The following XYLT1 variants were observed in gnomAD, a reference collection of about 807,000 sequenced individuals.
XYLT1 encodes xylosyltransferase 1, also known as beta-D-xylosyltransferase 1.
XYLT1 carries 36 observed loss-of-function variants against 91.3 expected under a neutral mutation model. The observed-to-expected ratio is 0.39, with a 90% CI of 0.30 to 0.52. XYLT1 has a LOEUF of 0.52. Among genes scored for constraint, XYLT1 ranks in the 20% least tolerant of loss-of-function variants. The probability of loss-of-function intolerance (pLI) is 0.68; values close to 1 mark genes in which losing one functional copy is unlikely to be tolerated. For missense variants in XYLT1, 1,242 were observed against 1,284.5 expected (o/e 0.97, Z 0.51); for synonymous variants, 588 against 532.0 (o/e 1.11, Z -1.45).
At chr16:17,291,399 C>T (rs1248316564) in intron 2 of XYLT1, among the ~76,000 whole-genome samples, 1 of 152,180 alleles carries the variant, frequency 6.6e-6, no homozygotes, top group Non-Finnish European at 1.5e-5. Flanking sequence ...TCCCATTACA[C>T]AGATGTCGAA....
intron 3 of XYLT1, among the ~76,000 whole-genome samples, chr16:17,202,857 C>T (rs1283283672): frequency 3.9e-5 from 6 of 152,052 alleles, no homozygotes; most frequent in Non-Finnish European, 7.3e-5. Flanking sequence ...ATCTGACACA[C>T]ATCTGGTTCT....
chr16:17,372,638 G>A (rs932131307), intron 1 of XYLT1, among the ~76,000 whole-genome samples: 3 of 152,138 alleles, frequency 2.0e-5, no homozygotes, highest in Non-Finnish European at 2.9e-5. Context: ...TCAATTATCC[G>A]TTTCCATTCA....
chr16:17,181,074 G>A (rs982302618), intron 5 of XYLT1, among the ~76,000 whole-genome samples: 2 of 152,168 alleles, frequency 1.3e-5, no homozygotes, highest in Admixed American at 1.3e-4. Context: ...AAAAGTAACT[G>A]GAGAAATGCA....
intron 6 of XYLT1, among the ~76,000 whole-genome samples, chr16:17,149,840 G>A (rs888518614): frequency 9.9e-5 from 15 of 152,168 alleles, no homozygotes; most frequent in African/African-American, 3.4e-4. Flanking sequence ...GATCATAATA[G>A]CTAATTCACA....
chr16:17,279,360 A>G (rs950472807), intron 2 of XYLT1, among the ~76,000 whole-genome samples: 4 of 152,212 alleles, frequency 2.6e-5, no homozygotes, highest in African/African-American at 9.7e-5. Flanking sequence ...TACTAGTATG[A>G]TCATTAATAG....
rs574952236 is a variant in XYLT1 at position 17,404,987 on chromosome 16, C to G, written c.364-46937G>C. 1.2e-4 allele frequency among the ~76,000 whole-genome samples: 18 copies of G among 152,304 alleles called. No homozygotes were observed. In the South Asian group the frequency reaches 1.4e-3, roughly 12 times the overall value. ...AACATACACTTGTAATATTGCCACA[C>G]ACAAGCACATAACTTTCTGGAGGGA... On this transcript the variant is annotated intron_variant, in intron 1 of 11. Coordinates refer to ENST00000261381, the MANE Select transcript of XYLT1 (RefSeq NM_022166.4).
At chr16:17,404,230 CAA>C (rs1163385760) in intron 1 of XYLT1, among the ~76,000 whole-genome samples, 3 of 152,150 alleles carry the variant, frequency 2.0e-5, no homozygotes, top group Non-Finnish European at 4.4e-5. Flanking sequence ...CTGATGAAAC[CAA>C]AAGAGTCTCA....
intron 9 of XYLT1, among the ~76,000 whole-genome samples, 170 bp from the exon 10 acceptor site, chr16:17,128,031 TC>T (rs1251557314): frequency 6.6e-6 from 1 of 152,182 alleles, no homozygotes; most frequent in African/African-American, 2.4e-5. Flanking sequence ...AATACTTTTT[TC>T]TTCTGCTGAT....
At position 17,117,923 on chromosome 16, in the gene XYLT1, C is replaced by T. The variant is rs753749607; in HGVS notation, c.2280G>A (p.Leu760=). 1.3e-5 allele frequency: 21 copies of T among 1,614,076 alleles called. No homozygotes were observed. The highest frequency in any genetic ancestry group is 1.7e-5 in the Non-Finnish European group (20 of 1,179,974). The part of the protein sequence containing the change: ...ERLFRNFGGL[L]GPMDEPVGMQ... ...TACCCACCGGCTCATCCATGGGCCC[C>T]AGAAGACCCCCAAAGTTGCGGAATA... The change falls in exon 11 of 12, where the codon CTG becomes CTA. Residue 760 remains leucine, a synonymous_variant. Coordinates refer to ENST00000261381, the MANE Select transcript of XYLT1 (RefSeq NM_022166.4).
At chr16:17,286,917 G>A (rs1415986146) in intron 2 of XYLT1, among the ~76,000 whole-genome samples, 1 of 152,090 alleles carries the variant, frequency 6.6e-6, no homozygotes, top group Non-Finnish European at 1.5e-5. Context: ...CCTGAATTCT[G>A]TTCAGGTGTT....
At chr16:17,143,322 G>A (rs1042814351) in intron 6 of XYLT1, among the ~76,000 whole-genome samples, 2 of 151,854 alleles carry the variant, frequency 1.3e-5, no homozygotes, top group East Asian at 1.9e-4. Context: ...CCATTTTCAC[G>A]TATTACGTGC....
At chr16:17,296,040 CTTT>C (rs5815941) in intron 2 of XYLT1, among the ~76,000 whole-genome samples, 2 of 145,956 alleles carry the variant, frequency 1.4e-5, no homozygotes, top group Admixed American at 6.8e-5. Context: ...GAAAAGACAC[CTTT>C]TTTTTTTTTT....
intron 3 of XYLT1, among the ~76,000 whole-genome samples, chr16:17,248,710 A>C (rs7196324): frequency 6.7e-6 from 1 of 149,688 alleles, no homozygotes; most frequent in Non-Finnish European, 1.5e-5. Context: ...CAACTATGCA[A>C]CTCCCCAGAA....
intron 2 of XYLT1, among the ~76,000 whole-genome samples, chr16:17,279,522 G>C (rs1273030329): frequency 1.3e-5 from 2 of 152,166 alleles, no homozygotes; most frequent in African/African-American, 4.8e-5. Context: ...TCAAGTCCCA[G>C]GCTGGAAGTG....
intron 11 of XYLT1, 53 bp from the exon 12 acceptor site, chr16:17,109,070 C>G: frequency 6.8e-7 from 1 of 1,470,594 alleles, no homozygotes; most frequent in Non-Finnish European, 9.0e-7. Context: ...AATAGGATGC[C>G]TATTCATACT....
intron 2 of XYLT1, among the ~76,000 whole-genome samples, chr16:17,260,308 C>G (rs934937296): frequency 3.3e-5 from 5 of 152,158 alleles, no homozygotes; most frequent in Non-Finnish European, 5.9e-5. Flanking sequence ...GTCGAATGAT[C>G]AAATGCATCA....
At chr16:17,291,570 A>G (rs983555756) in intron 2 of XYLT1, among the ~76,000 whole-genome samples, 3 of 152,134 alleles carry the variant, frequency 2.0e-5, no homozygotes, top group African/African-American at 7.2e-5. Flanking sequence ...TGTCTGTTCT[A>G]AGGCCAGAAA....
At chr16:17,197,383 T>A (rs1206425483) in intron 5 of XYLT1, among the ~76,000 whole-genome samples, 1 of 152,166 alleles carries the variant, frequency 6.6e-6, no homozygotes, top group Non-Finnish European at 1.5e-5. Context: ...CTTTTGCCCC[T>A]TACTTTATTT....
intron 2 of XYLT1, among the ~76,000 whole-genome samples, chr16:17,295,421 T>A (rs901854626): frequency 6.6e-6 from 1 of 152,056 alleles, no homozygotes; most frequent in Non-Finnish European, 1.5e-5. Flanking sequence ...AGTGGTACGA[T>A]CTCGGCTCAC....
Sources: gnomAD v4.1 joint callset for allele counts (sites outside exome capture counted in the v4.1 genomes callset) on GRCh38, gnomAD v4.1.1 for gene constraint, MANE v1.5 for transcripts, NCBI Gene and HGNC (gene_info 2026-07-23, HGNC 2026-07-21) for gene names.